CLSTN1: variants seen among roughly 807,000 people sequenced by gnomAD.
CLSTN1 encodes calsyntenin-1.
In CLSTN1, 28 loss-of-function variants were observed where a neutral mutation model predicts 108.3. The ratio of observed to expected loss-of-function variants is 0.26; its 90% CI spans 0.19 to 0.35. The LOEUF (loss-of-function observed/expected upper bound fraction) is 0.35. CLSTN1 is among the 10% of genes least tolerant of loss of function. CLSTN1 has a pLI of 1.00. For synonymous variants in CLSTN1, 524 were observed against 534.9 expected (o/e 0.98, Z 0.28); for missense variants, 1,157 against 1,302.6 (o/e 0.89, Z 1.72).
At position 9,737,557 on chromosome 1, in the gene CLSTN1, G is replaced by A; in HGVS notation, c.1520-3C>T. ...GTCATTTTCAACTCCTGAAAACTCT[G>A]TGGAAAAGCAAGACAAAGACAATAG... On this transcript the variant is annotated splice_polypyrimidine_tract_variant and splice_region_variant and intron_variant, in intron 10 of 18. Transcript: ENST00000377298. 1 of 1,613,824 alleles carries A rather than the reference G, an allele frequency of 6.2e-7. No individual in the cohort carries two copies. Among genetic ancestry groups the A allele is most frequent in the Non-Finnish European group, 8.5e-7 (1 of 1,179,728 alleles).
intron 1 of CLSTN1, among the ~76,000 whole-genome samples, chr1:9,778,845 T>A (rs1389513845): frequency 8.0e-5 from 12 of 150,626 alleles, no homozygotes; most frequent in Admixed American, 8.0e-4. Flanking sequence ...TAAAACCCCG[T>A]CTGTACTAAA....
chr1:9,780,863 T>A, intron 1 of CLSTN1: 1 of 268,508 alleles, frequency 3.7e-6, no homozygotes, highest in East Asian at 8.6e-5. Flanking sequence ...CGAGTAGCCG[T>A]GGCAGCGAAT....
chr1:9,735,956 T>C lies in CLSTN1; in HGVS notation c.1663A>G (p.Ile555Val). ...RSGKLADKKV[I>V]DCLYTCKEGL... ...TCCTTGCAGGTATACAGACAGTCGA[T>C]CACCTTCTTATCCGCGAGTTTCCCG... Residue 555 changes from isoleucine (I) to valine (V), a missense_variant, in exon 12 of 19, where the codon ATC becomes GTC. Coordinates refer to ENST00000377298, the MANE Select transcript of CLSTN1 (RefSeq NM_001009566.3). The C allele has an allele frequency of 6.2e-7, 1 of 1,614,172 alleles. No individual in the cohort carries two copies. Among genetic ancestry groups the C allele is most frequent in the Non-Finnish European group, 8.5e-7 (1 of 1,180,034 alleles).
In CLSTN1 at chr1:9,728,928, CT is replaced by C. The variant is rs1225138941; in HGVS notation, c.*1579del. On this transcript the variant is annotated 3_prime_UTR_variant, in exon 19 of 19. Coordinates refer to ENST00000377298, the MANE Select transcript of CLSTN1 (RefSeq NM_001009566.3). ...AGGCAGATGAAAAGAAAGAAAAAGCCTTTTTATGTTCTTTTATGTTCTCGGC... is the reference window on the plus strand; with the variant it reads ...AGGCAGATGAAAAGAAAGAAAAAGCCTTTTATGTTCTTTTATGTTCTCGGC... 2 of 152,126 alleles carry C rather than the reference CT, an allele frequency of 1.3e-5. No homozygotes were observed. Among genetic ancestry groups the C allele is most frequent in the Non-Finnish European group, 2.9e-5 (2 of 68,042 alleles). The allele number at this position is 152,126 out of a possible 1,614,324, so 9.4% of individuals were successfully genotyped here.
intron 1 of CLSTN1, among the ~76,000 whole-genome samples, chr1:9,800,871 G>A (rs1049259024): frequency 2.6e-5 from 4 of 151,922 alleles, no homozygotes; most frequent in Non-Finnish European, 5.9e-5. Context: ...CCTGGGAGGC[G>A]GAGGCTGCAG....
chr1:9,772,460 T>G (rs1295984689), intron 2 of CLSTN1, among the ~76,000 whole-genome samples: 1 of 152,054 alleles, frequency 6.6e-6, no homozygotes, highest in Non-Finnish European at 1.5e-5. Context: ...GGCATGTCAC[T>G]GTGCCCAGCC....
intron 1 of CLSTN1, among the ~76,000 whole-genome samples, chr1:9,802,056 T>G (rs1297775647): frequency 6.6e-6 from 1 of 152,192 alleles, no homozygotes; most frequent in Admixed American, 6.6e-5. Flanking sequence ...ATTATTATCA[T>G]CATCCCCATT....
intron 1 of CLSTN1, among the ~76,000 whole-genome samples, chr1:9,775,121 C>A (rs1652873320): frequency 6.6e-6 from 1 of 152,116 alleles, no homozygotes; most frequent in Non-Finnish European, 1.5e-5. Context: ...TTCTTTATGG[C>A]AACCTGTTTT....
intron 10 of CLSTN1, among the ~76,000 whole-genome samples, 198 bp from the exon 11 acceptor site, chr1:9,737,752 C>G (rs935190850): frequency 6.6e-6 from 1 of 152,180 alleles, no homozygotes; most frequent in African/African-American, 2.4e-5. Flanking sequence ...TTTACCACCC[C>G]CAACCCCAGG....
At chr1:9,772,929 A>G (rs1322275143) in intron 2 of CLSTN1, among the ~76,000 whole-genome samples, 2 of 152,146 alleles carry the variant, frequency 1.3e-5, no homozygotes, top group Non-Finnish European at 2.9e-5. Context: ...GAAAGGCAGA[A>G]TCTCAGGTCC....
intron 1 of CLSTN1, among the ~76,000 whole-genome samples, chr1:9,812,983 G>T (rs1654825030): frequency 6.6e-6 from 1 of 151,784 alleles, no homozygotes; most frequent in African/African-American, 2.4e-5. Flanking sequence ...GGCCAACATG[G>T]TGAAACCCCA....
chr1:9,776,365 C>G (rs1398624760), intron 1 of CLSTN1, among the ~76,000 whole-genome samples: 3 of 152,092 alleles, frequency 2.0e-5, no homozygotes, highest in African/African-American at 7.2e-5. Flanking sequence ...CTAAATAAAC[C>G]CAGACCCCGG....
intron 2 of CLSTN1, among the ~76,000 whole-genome samples, chr1:9,772,949 C>T (rs1303306764): frequency 1.3e-5 from 2 of 152,104 alleles, no homozygotes; most frequent in East Asian, 1.9e-4. Context: ...CTCCCAGACC[C>T]GCTGTCTCTA....
chr1:9,797,875 C>T (rs1476848471), intron 1 of CLSTN1, among the ~76,000 whole-genome samples: 2 of 151,928 alleles, frequency 1.3e-5, no homozygotes, highest in African/African-American at 2.4e-5. Context: ...GGGCAGATCA[C>T]TTGCGACCAG....
intron 6 of CLSTN1, 24 bp downstream of exon 6, chr1:9,749,740 C>G: frequency 6.2e-7 from 1 of 1,613,080 alleles, no homozygotes; most frequent in South Asian, 1.1e-5. Context: ...CAGATGTGAG[C>G]GCAGGGGAGA....
chr1:9,773,495 C>T, intron 1 of CLSTN1, 101 bp from the exon 2 acceptor site: 1 of 1,279,830 alleles, frequency 7.8e-7, no homozygotes, highest in Non-Finnish European at 1.1e-6. Flanking sequence ...TAATAAAACT[C>T]TCATTAGGCT....
At chr1:9,799,590 G>A (rs561573371) in intron 1 of CLSTN1, among the ~76,000 whole-genome samples, 6 of 144,988 alleles carry the variant, frequency 4.1e-5, no homozygotes, top group East Asian at 4.2e-4. Context: ...GCAGTGAGCC[G>A]ATATCGCGCC....
Position 9,747,041 on chromosome 1 carries a change from A to G in CLSTN1, c.986-2398T>C, listed in dbSNP as rs558177012. Among the ~76,000 whole-genome samples, 46 of 152,024 alleles carry G rather than the reference A, an allele frequency of 3.0e-4. 1 individual carries two copies. Among genetic ancestry groups the G allele is most frequent in the South Asian group, 8.3e-4 (4 of 4,808 alleles). On this transcript the variant is annotated intron_variant, in intron 7 of 18. Coordinates refer to ENST00000377298, the MANE Select transcript of CLSTN1 (RefSeq NM_001009566.3). ...CTAAACATACAAAAAGTAGCCAGGC[A>G]TCATGGCACATGCCTGTAATCCCAG...
At position 9,785,933 on chromosome 1, in the gene CLSTN1, T is replaced by C. The variant is rs534008742; in HGVS notation, c.92-12539A>G. On this transcript the variant is annotated intron_variant, in intron 1 of 18. Transcript: ENST00000377298. ...GGTCATGCCTGTAATCCCAGCAATT[T>C]GGGAGGTTGAGGTGGGTGGATCGCT... Among the ~76,000 whole-genome samples, 4 of 152,174 alleles carry C rather than the reference T, an allele frequency of 2.6e-5. No individual in the cohort carries two copies. The South Asian group carries it at 8.3e-4, about 32-fold the overall frequency.
Sources: gnomAD v4.1 joint callset for allele counts (sites outside exome capture counted in the v4.1 genomes callset) on GRCh38, gnomAD v4.1.1 for gene constraint, MANE v1.5 for transcripts, NCBI Gene and HGNC (gene_info 2026-07-23, HGNC 2026-07-21) for gene names.